Variants in BABAM1 observed in about 807,000 individuals in gnomAD.
BABAM1 encodes BRISC and BRCA1 A complex member 1, also known as BRISC and BRCA1-A complex member 1.
Under a neutral mutation model 34.4 loss-of-function variants are expected in BABAM1, and 14 were observed. That is an observed-to-expected ratio of 0.41 (90% CI 0.27 to 0.64). The LOEUF is 0.64. Among genes scored for constraint, BABAM1 ranks in the 30% least tolerant of loss-of-function variants. The pLI, the probability that BABAM1 is intolerant of heterozygous loss-of-function variation, is 0.34. For missense variants in BABAM1, 393 were observed against 434.0 expected, an observed-to-expected ratio of 0.91 and a Z score of 0.84; for synonymous variants, 169 against 165.8, an observed-to-expected ratio of 1.02 and a Z score of -0.15.
chr19:17,277,163 C>G, intron 8 of BABAM1: 1 of 404,046 alleles, frequency 2.5e-6, no homozygotes, highest in South Asian at 5.3e-5. Flanking sequence ...CCCTGCGTTC[C>G]TTTCTTTCTT....
At chr19:17,270,390 C>G (rs1044097156) in intron 2 of BABAM1, among the ~76,000 whole-genome samples, 1 of 151,994 alleles carries the variant, frequency 6.6e-6, no homozygotes, top group Admixed American at 6.6e-5. Flanking sequence ...CTCATAAAGC[C>G]TTTCTCACTG....
rs866688085 is a variant in BABAM1 at position 17,278,911 on chromosome 19, G to T, written c.853G>T (p.Ala285Ser). Reference sequence around the variant, plus strand: ...CAGCTACAAGTATGAGGTGGCACTGGCTGGGCCAGCCCTGGAGTTGCACAA... The same window carrying T: ...CAGCTACAAGTATGAGGTGGCACTGTCTGGGCCAGCCCTGGAGTTGCACAA... The part of the protein sequence containing the change: ...GTSYKYEVAL[A>S]GPALELHNCM... Residue 285 changes from alanine to serine, a missense_variant, in exon 9 of 9, where the codon GCT becomes TCT. Coordinates refer to ENST00000598188, the MANE Select transcript of BABAM1 (RefSeq NM_014173.4). The T allele has an allele frequency of 1.9e-6, 3 of 1,613,378 alleles. No homozygotes were observed. Among genetic ancestry groups the T allele is most frequent in the Admixed American group, 3.3e-5 (2 of 59,936 alleles).
chr19:17,273,883 C>G (rs998500333), intron 3 of BABAM1, 21 bp from the exon 4 acceptor site: 1 of 1,585,776 alleles, frequency 6.3e-7, no homozygotes. Flanking sequence ...CTTAATTCCC[C>G]TGTACTCTCT....
chr19:17,275,561 A>T (rs1299029168), intron 5 of BABAM1, among the ~76,000 whole-genome samples: 1 of 152,200 alleles, frequency 6.6e-6, no homozygotes, highest in Admixed American at 6.5e-5. Context: ...AAGTGCTATG[A>T]TTGCAGGCGT....
At chr19:17,275,699 G>A (rs1370132593) in intron 5 of BABAM1, 102 bp from the exon 6 acceptor site, 70 of 1,478,482 alleles carry the variant, frequency 4.7e-5, no homozygotes, top group Non-Finnish European at 5.9e-5. Flanking sequence ...CACATGGTGC[G>A]TCCCTAGGGG....
In BABAM1 at chr19:17,268,892, C is replaced by G. The variant is rs775407791; in HGVS notation, c.86C>G (p.Ser29Cys). Reference protein sequence around the residue: ...HSAEPRPRTRSNPEGAEDRAV... With the variant: ...HSAEPRPRTRCNPEGAEDRAV... ...GCAGAGCCTCGGCCCCGCACTCGCT[C>G]CAATCCTGAAGGGGCTGAGGACCGG... Residue 29 changes from serine to cysteine, a missense_variant, in exon 2 of 9, where the codon TCC (serine) becomes TGC (cysteine). Coordinates refer to ENST00000598188, the MANE Select transcript of BABAM1 (RefSeq NM_014173.4). 3.3e-5 allele frequency: 52 copies of G among 1,592,666 alleles called. No individual in the cohort carries two copies. Among genetic ancestry groups the G allele is most frequent in the Non-Finnish European group, 4.4e-5 (52 of 1,170,562 alleles).
chr19:17,269,241 T>G, intron 2 of BABAM1, 150 bp downstream of exon 2: 1 of 1,077,038 alleles, frequency 9.3e-7, no homozygotes, highest in Non-Finnish European at 1.3e-6. Flanking sequence ...CAAGAGAAAT[T>G]TATTCTCTCA....
Position 17,268,897 on chromosome 19 carries a change from C to A in BABAM1, c.91C>A (p.Pro31Thr). The change falls in exon 2 of 9, where the codon CCT (proline) becomes ACT (threonine). Residue 31 changes from proline (P) to threonine (T), a missense_variant. Coordinates refer to ENST00000598188, the MANE Select transcript of BABAM1 (RefSeq NM_014173.4). ...GCCTCGGCCCCGCACTCGCTCCAAT[C>A]CTGAAGGGGCTGAGGACCGGGCAGT... ...AEPRPRTRSN[P>T]EGAEDRAVGA... 1 of 1,589,812 alleles carries A rather than the reference C, an allele frequency of 6.3e-7. No individual in the cohort carries two copies. The highest frequency in any genetic ancestry group is 8.6e-7 in the Non-Finnish European group (1 of 1,169,086).
intron 2 of BABAM1, 44 bp downstream of exon 2, chr19:17,269,135 C>T: frequency 6.6e-7 from 1 of 1,515,296 alleles, no homozygotes; most frequent in Non-Finnish European, 8.8e-7. Context: ...GCTAGGGAAC[C>T]TAGCATCTTG....
chr19:17,270,958 G>A (rs1163899031), intron 2 of BABAM1, among the ~76,000 whole-genome samples: 1 of 151,196 alleles, frequency 6.6e-6, no homozygotes, highest in Non-Finnish European at 1.5e-5. Context: ...CCAAAGTGCT[G>A]GGATTCCAGG....
At chr19:17,275,513 C>T (rs866955259) in intron 5 of BABAM1, among the ~76,000 whole-genome samples, 2 of 151,994 alleles carry the variant, frequency 1.3e-5, no homozygotes, top group Middle Eastern at 3.4e-3. Flanking sequence ...TGGCCTCGAA[C>T]TCCTGACCTC....
At position 17,279,239 on chromosome 19, in the gene BABAM1, G is replaced by A; in HGVS notation, c.*191G>A. On this transcript the variant is annotated 3_prime_UTR_variant, in exon 9 of 9. Coordinates refer to ENST00000598188, the MANE Select transcript of BABAM1 (RefSeq NM_014173.4). The stretch of plus-strand genomic sequence containing the variant: ...CAGGAACTGTGGGCACCCATTTTCT[G>A]TGTCTCCCAGCCCATTTCCACTCCT... 1 of 558,800 alleles carries A rather than the reference G, an allele frequency of 1.8e-6. No homozygotes were observed. The highest frequency in any genetic ancestry group is 3.1e-6 in the Non-Finnish European group (1 of 321,880). The allele number at this position is 558,800 out of a possible 1,614,324, so 34.6% of individuals were successfully genotyped here. A position where few individuals can be genotyped will look rare whatever the true frequency, so the allele number is the denominator to read the frequency against.
intron 8 of BABAM1, among the ~76,000 whole-genome samples, chr19:17,278,339 C>T (rs977845726): frequency 2.0e-5 from 3 of 146,726 alleles, no homozygotes; most frequent in Admixed American, 6.8e-5. Context: ...GGCGGAGTCT[C>T]GCTCTGTCGC....
At chr19:17,275,933 C>T in intron 6 of BABAM1, 108 bp downstream of exon 6, 1 of 1,262,098 alleles carries the variant, frequency 7.9e-7, no homozygotes, top group Non-Finnish European at 1.2e-6. Context: ...AAAGCCTCCT[C>T]CCTTCCTACC....
chr19:17,271,724 GCT>G (rs1277415345), intron 3 of BABAM1, 69 bp downstream of exon 3: 16 of 1,528,588 alleles, frequency 1.0e-5, no homozygotes, highest in Non-Finnish European at 1.4e-5. Context: ...AAGATACGGG[GCT>G]CTCACTCTGA....
chr19:17,273,982 C>T lies in BABAM1; in HGVS notation c.423C>T (p.Ser141=). The T allele has an allele frequency of 6.2e-7, 1 of 1,613,986 alleles. No individual in the cohort carries two copies. Among genetic ancestry groups the T allele is most frequent in the South Asian group, 1.1e-5 (1 of 91,084 alleles). ...GGACAAAACACAAGATCGACAAAAGCCACGAGTTTGCACTGGTGGTGGTGA... is the reference window on the plus strand; with the variant it reads ...GGACAAAACACAAGATCGACAAAAGTCACGAGTTTGCACTGGTGGTGGTGA... ...FVRTKHKIDK[S]HEFALVVVND... The change falls in exon 4 of 9, where the codon AGC becomes AGT. Residue 141 remains serine (S), a synonymous_variant. Transcript: ENST00000598188.
At chr19:17,270,462 T>C (rs569669725) in intron 2 of BABAM1, among the ~76,000 whole-genome samples, 1 of 152,236 alleles carries the variant, frequency 6.6e-6, no homozygotes, top group African/African-American at 2.4e-5. Flanking sequence ...AACAGGATCT[T>C]ATCTCAAGAC....
chr19:17,278,698 A>T, intron 8 of BABAM1, 147 bp from the exon 9 acceptor site: 1 of 718,910 alleles, frequency 1.4e-6, no homozygotes, highest in Non-Finnish European at 2.3e-6. Flanking sequence ...TGAATGTGTG[A>T]ATGGTTTCTG....
rs775073868 is a variant in BABAM1, at chr19:17,274,200, A to C, written c.544+15A>C. On this transcript the variant is annotated intron_variant, in intron 5 of 8. Coordinates refer to ENST00000598188, the MANE Select transcript of BABAM1 (RefSeq NM_014173.4). ...TTCCACCTTCAGTATCCTTCCTGGC[A>C]GAGATGTCCCCATGAAGGGGGCTGT... The C allele has an allele frequency of 1.9e-6, 3 of 1,611,366 alleles. No individual in the cohort carries two copies. The highest frequency in any genetic ancestry group is 2.5e-6 in the Non-Finnish European group (3 of 1,179,278).
Sources: allele counts gnomAD v4.1 joint callset (sites outside exome capture counted in the v4.1 genomes callset), GRCh38; gene constraint gnomAD v4.1.1; transcripts MANE v1.5; gene names NCBI Gene and HGNC (gene_info 2026-07-23, HGNC 2026-07-21).